Variants in ADAM18 observed in about 807,000 individuals in gnomAD.
The protein encoded by ADAM18 is ADAM metallopeptidase domain 18.
Under a neutral mutation model 94.4 loss-of-function variants are expected in ADAM18, and 117 were observed. The observed-to-expected ratio is 1.24, with a 90% CI of 1.07 to 1.45. ADAM18 has a LOEUF of 1.45. Ranked by LOEUF, ADAM18 falls within the 40% of genes most tolerant of loss-of-function variation. The pLI, the probability that ADAM18 is intolerant of heterozygous loss-of-function variation, is 0.00. For synonymous variants in ADAM18, 327 were observed against 291.6 expected, an observed-to-expected ratio of 1.12 and a Z score of -1.24; for missense variants, 936 against 880.0, an observed-to-expected ratio of 1.06 and a Z score of -0.81.
intron 2 of ADAM18, among the ~76,000 whole-genome samples, chr8:39,604,354 T>G (rs558796952): frequency 1.2e-4 from 19 of 152,214 alleles, no homozygotes; most frequent in Non-Finnish European, 2.4e-4. Context: ...AATGTCTATT[T>G]TTATTTTTCT....
chr8:39,661,222 G>C (rs141193529), intron 12 of ADAM18, among the ~76,000 whole-genome samples: 1 of 142,756 alleles, frequency 7.0e-6, no homozygotes, highest in South Asian at 2.2e-4. Flanking sequence ...GTGCGATATC[G>C]GCTCACTGCA....
intron 17 of ADAM18, among the ~76,000 whole-genome samples, chr8:39,699,874 A>G (rs1218576055): frequency 1.3e-5 from 2 of 152,166 alleles, no homozygotes; most frequent in East Asian, 1.9e-4. Context: ...ATATTTCCCA[A>G]TGAGCTGAGG....
chr8:39,712,633 TTC>T (rs1822447563), intron 18 of ADAM18, among the ~76,000 whole-genome samples: 1 of 152,110 alleles, frequency 6.6e-6, no homozygotes, highest in Non-Finnish European at 1.5e-5. Context: ...ATCACAAGCA[TTC>T]CTATACAATA....
At position 39,663,777 on chromosome 8, in the gene ADAM18, C is replaced by A. The variant is rs770256062; in HGVS notation, c.1231-18C>A. ...AAGTGGTTAAACTGTAATAATATTT[C>A]TTCCTGTAAAATTTTAGGAATGTCA... On this transcript the variant is annotated intron_variant, in intron 12 of 19. Transcript: ENST00000265707. The A allele has an allele frequency of 6.5e-7, 1 of 1,541,882 alleles. No individual in the cohort carries two copies. Among genetic ancestry groups the A allele is most frequent in the Non-Finnish European group, 8.9e-7 (1 of 1,119,116 alleles).
intron 16 of ADAM18, among the ~76,000 whole-genome samples, chr8:39,688,217 T>C (rs1821663968): frequency 6.6e-6 from 1 of 152,210 alleles, no homozygotes; most frequent in Non-Finnish European, 1.5e-5. Flanking sequence ...GATGAACTTT[T>C]TTTTCTATTT....
At chr8:39,680,292 C>T (rs1385009053) in intron 16 of ADAM18, 66 bp downstream of exon 16, 16 of 1,369,854 alleles carry the variant, frequency 1.2e-5, no homozygotes, top group Non-Finnish European at 1.5e-5. Flanking sequence ...TACTGCATTC[C>T]ATGATGACTA....
chr8:39,585,237 C>CAA (rs1260250332), intron 1 of ADAM18, 39 bp from the exon 2 acceptor site: 6 of 1,549,382 alleles, frequency 3.9e-6, no homozygotes, highest in Non-Finnish European at 5.3e-6. Context: ...ATTGTTGATG[C>CAA]AAAACAAAGA....
intron 11 of ADAM18, 21 bp downstream of exon 11, chr8:39,645,495 A>G (rs764513728): frequency 1.1e-5 from 18 of 1,584,166 alleles, no homozygotes; most frequent in Non-Finnish European, 1.7e-6. Context: ...TTCTTAATTA[A>G]TTTCATTTAT....
chr8:39,609,133 A>G lies in ADAM18; in HGVS notation c.267+13A>G, dbSNP rs1384588507. 1 of 1,508,226 alleles carries G rather than the reference A, an allele frequency of 6.6e-7. No homozygotes were observed. The highest frequency in any genetic ancestry group is 2.0e-5 in the Admixed American group (1 of 49,920). 93.4% of individuals were successfully genotyped at this position (1,508,226 alleles called of 1,614,324 possible). On this transcript the variant is annotated intron_variant, in intron 4 of 19. Coordinates refer to ENST00000265707, the MANE Select transcript of ADAM18 (RefSeq NM_014237.3). Reference sequence around the variant, plus strand: ...TCCATATTTTATGGTAAAGTAAGATACCTTATTTTTTTTGTTAAAGTGGTT... The same window carrying G: ...TCCATATTTTATGGTAAAGTAAGATGCCTTATTTTTTTTGTTAAAGTGGTT...
At chr8:39,597,238 A>G (rs991721607) in intron 2 of ADAM18, among the ~76,000 whole-genome samples, 1 of 152,074 alleles carries the variant, frequency 6.6e-6, no homozygotes, top group African/African-American at 2.4e-5. Context: ...CTCTTCATAT[A>G]CTTGACAGTG....
In ADAM18 at chr8:39,677,478, C is replaced by T. The variant is rs200600742; in HGVS notation, c.1573C>T (p.His525Tyr). Reference protein sequence around the residue: ...FACFKEVNSLHERSENCGFKN... With the variant: ...FACFKEVNSLYERSENCGFKN... ...CTGTTTTAAAGAAGTTAATTCTCTG[C>T]ATGAAAGATCTGAAAACTGTGGTTT... Residue 525 changes from histidine (H) to tyrosine (Y), a missense_variant, in exon 15 of 20, where the codon CAT (histidine) becomes TAT (tyrosine). His to Tyr is a moderately conservative substitution (Grantham distance 83). Transcript: ENST00000265707. 33 of 1,610,968 alleles carry T rather than the reference C, an allele frequency of 2.0e-5. No homozygotes were observed. Among genetic ancestry groups the T allele is most frequent in the Middle Eastern group, 1.7e-4 (1 of 6,058 alleles).
At chr8:39,662,855 C>T (rs988873937) in intron 12 of ADAM18, among the ~76,000 whole-genome samples, 14 of 152,132 alleles carry the variant, frequency 9.2e-5, no homozygotes, top group African/African-American at 3.1e-4. Flanking sequence ...GAACTCCTGA[C>T]CTCAAGTGAT....
At chr8:39,728,162 T>A (rs1476423977) in intron 19 of ADAM18, among the ~76,000 whole-genome samples, 1 of 151,992 alleles carries the variant, frequency 6.6e-6, no homozygotes. Flanking sequence ...CATGGGAGAT[T>A]CACCCCATGA....
At chr8:39,721,197 G>T (rs1015621352) in intron 18 of ADAM18, among the ~76,000 whole-genome samples, 2 of 151,360 alleles carry the variant, frequency 1.3e-5, no homozygotes, top group African/African-American at 2.4e-5. Context: ...TCAATAAATG[G>T]TGCTGAGAAA....
At chr8:39,620,057 G>T (rs991299540) in intron 6 of ADAM18, among the ~76,000 whole-genome samples, 2 of 151,956 alleles carry the variant, frequency 1.3e-5, no homozygotes, top group Non-Finnish European at 2.9e-5. Context: ...ACAGAACTAT[G>T]CATTTACAGC....
chr8:39,704,810 GATT>G lies in ADAM18; in HGVS notation c.1903-1977_1903-1975del. Among the ~76,000 whole-genome samples the G allele has an allele frequency of 5.9e-5, 9 of 151,998 alleles. 1 individual carries two copies. The South Asian group carries it at 1.9e-3, about 32-fold the overall frequency. On this transcript the variant is annotated intron_variant, in intron 17 of 19. Transcript: ENST00000265707. ...ACTTGAAGTTCCTGATATTATAAGG[GATT>G]ATATGCATTATGTTAATTCTGTGTT... is the stretch of plus-strand genomic sequence containing the variant.
intron 18 of ADAM18, among the ~76,000 whole-genome samples, chr8:39,716,588 T>G (rs1822587212): frequency 6.6e-6 from 1 of 151,960 alleles, no homozygotes; most frequent in Non-Finnish European, 1.5e-5. Flanking sequence ...CTTCTTAAAT[T>G]TGTTAACTTT....
chr8:39,630,472 T>C (rs116136480), intron 7 of ADAM18, among the ~76,000 whole-genome samples: 1,875 of 151,846 alleles, frequency 0.012, 44 homozygotes, highest in African/African-American at 0.043. Context: ...CTTCATAGAA[T>C]AGATTTTTAG....
chr8:39,588,869 A>G (rs1435266261), intron 2 of ADAM18, among the ~76,000 whole-genome samples: 1 of 152,164 alleles, frequency 6.6e-6, no homozygotes, highest in Non-Finnish European at 1.5e-5. Flanking sequence ...ATTTGGGGGA[A>G]GTTTTAGGAT....
Sources: gnomAD v4.1 joint callset for allele counts (sites outside exome capture counted in the v4.1 genomes callset) on GRCh38, gnomAD v4.1.1 for gene constraint, MANE v1.5 for transcripts, NCBI Gene and HGNC (gene_info 2026-07-23, HGNC 2026-07-21) for gene names.